HERC3: variants seen among roughly 807,000 people sequenced by gnomAD.
The protein encoded by HERC3 is probable E3 ubiquitin-protein ligase HERC3.
A neutral mutation model predicts 129.9 loss-of-function variants in HERC3; 58 were observed. The ratio of observed to expected loss-of-function variants is 0.45; its 90% CI spans 0.36 to 0.56. HERC3 has a LOEUF of 0.56. Among genes scored for constraint, HERC3 ranks in the 20% least tolerant of loss-of-function variants. The pLI is 0.00. For synonymous variants in HERC3, 430 were observed against 451.0 expected, an observed-to-expected ratio of 0.95 and a Z score of 0.59; for missense variants, 835 against 1,244.2, an observed-to-expected ratio of 0.67 and a Z score of 4.95.
chr4:88,686,161 A>T (rs2149324749), intron 21 of HERC3, among the ~76,000 whole-genome samples: 1 of 152,226 alleles, frequency 6.6e-6, no homozygotes, highest in African/African-American at 2.4e-5. Flanking sequence ...AAAAAAAATT[A>T]GTGTGAGTGT....
chr4:88,604,772 A>T (rs1446894470), intron 2 of HERC3, among the ~76,000 whole-genome samples: 1 of 152,186 alleles, frequency 6.6e-6, no homozygotes, highest in East Asian at 1.9e-4. Flanking sequence ...TCTTGGGTTT[A>T]TAACTAGTAG....
intron 11 of HERC3, 73 bp downstream of exon 11, chr4:88,662,628 G>A (rs537022385): frequency 6.1e-4 from 887 of 1,455,976 alleles, no homozygotes; most frequent in Non-Finnish European, 7.6e-4. Context: ...GTGATTTTCC[G>A]TACTTGCATA....
the HERC3 span, among the ~76,000 whole-genome samples, chr4:88,539,884 TA>T: frequency 1.1e-4 from 16 of 152,096 alleles, no homozygotes; most frequent in Admixed American, 9.8e-4. Flanking sequence ...CAGAAAGGAA[TA>T]GCATCAACAT....
In HERC3 at chr4:88,606,018, A is replaced by G; in HGVS notation, c.195A>G (p.Gln65=). The G allele has an allele frequency of 6.2e-7, 1 of 1,614,032 alleles. No individual in the cohort carries two copies. The highest frequency in any genetic ancestry group is 8.5e-7 in the Non-Finnish European group (1 of 1,179,908). The change falls in exon 3 of 26, where the codon CAA becomes CAG. Residue 65 remains glutamine, a synonymous_variant. Coordinates refer to ENST00000402738, the MANE Select transcript of HERC3 (RefSeq NM_014606.3). ...VYTCGLNTKG[Q]LGHEREGNKP... is the part of the protein sequence containing the mutation. ...CATGTGGTTTGAACACCAAGGGGCAACTGGGCCATGAGAGGGAAGGAAACA... is the reference window on the plus strand; with the variant it reads ...CATGTGGTTTGAACACCAAGGGGCAGCTGGGCCATGAGAGGGAAGGAAACA...
Position 88,643,135 on chromosome 4 carries a change from T to C in HERC3, c.227-6705T>C, listed in dbSNP as rs187478865. Among the ~76,000 whole-genome samples, 414 of 152,340 alleles carry C rather than the reference T, an allele frequency of 2.7e-3. 1 individual carries two copies. Among genetic ancestry groups the C allele is most frequent in the Admixed American group, 7.9e-3 (121 of 15,294 alleles). On this transcript the variant is annotated intron_variant, in intron 3 of 25. Transcript: ENST00000402738. ...AAACTGGAATAAAAAATACAATTTA[T>C]AATATTTCCAAACAAATAAAATACT...
At chr4:88,591,925 A>G (rs1460587184), upstream of HERC3, among the ~76,000 whole-genome samples, 1 of 151,434 alleles carries the variant, frequency 6.6e-6, no homozygotes, top group African/African-American at 2.4e-5. Flanking sequence ...CCACCTCTCC[A>G]GAAGAGCGCC....
At chr4:88,563,659 CT>C in the HERC3 span, among the ~76,000 whole-genome samples, 770 of 138,238 alleles carry the variant, frequency 5.6e-3, 1 homozygote, top group Middle Eastern at 7.5e-3. Flanking sequence ...ATGTTCCTTC[CT>C]TTTTTTTTTT....
At chr4:88,653,788 T>C (rs941302733) in intron 6 of HERC3, among the ~76,000 whole-genome samples, 1 of 152,096 alleles carries the variant, frequency 6.6e-6, no homozygotes, top group African/African-American at 2.4e-5. Flanking sequence ...AAAATGACTG[T>C]TTCTGAAATG....
chr4:88,613,441 GC>G (rs1458525406), intron 3 of HERC3, among the ~76,000 whole-genome samples: 1 of 152,174 alleles, frequency 6.6e-6, no homozygotes, highest in Non-Finnish European at 1.5e-5. Context: ...CAGCTTTCCT[GC>G]TGTTTGATAA....
chr4:88,692,573 T>C (rs1734182739), intron 23 of HERC3, among the ~76,000 whole-genome samples: 1 of 152,216 alleles, frequency 6.6e-6, no homozygotes, highest in Non-Finnish European at 1.5e-5. Context: ...GGATGCAGTC[T>C]TTAAGATCTG....
chr4:88,640,112 C>T (rs1211493011), intron 3 of HERC3, among the ~76,000 whole-genome samples: 4 of 152,134 alleles, frequency 2.6e-5, no homozygotes, highest in Non-Finnish European at 5.9e-5. Flanking sequence ...AATAGAAACG[C>T]TTTTACACTG....
the HERC3 span, among the ~76,000 whole-genome samples, chr4:88,545,362 CAT>C: frequency 6.6e-6 from 1 of 151,218 alleles, no homozygotes; most frequent in Non-Finnish European, 1.5e-5. Context: ...ATACACTCCT[CAT>C]GAGACTTTAC....
rs776830044 is a variant in HERC3 at position 88,677,975 on chromosome 4, T to C, written c.2037T>C (p.Asn679=). 3.5e-5 allele frequency: 57 copies of C among 1,612,200 alleles called. No homozygotes were observed. Among genetic ancestry groups the C allele is most frequent in the Non-Finnish European group, 4.7e-5 (55 of 1,179,982 alleles). ...CTGTGCCATTCCAGGTGGCAGTCAA[T>C]GGAGCCAACCTGCAGAATGTCTTCA... is the stretch of plus-strand genomic sequence containing the variant. ...DAELQMQVAV[N]GANLQNVFML... The change falls in exon 19 of 26, where the codon AAT becomes AAC. Residue 679 remains asparagine (N), a synonymous_variant. Coordinates refer to ENST00000402738, the MANE Select transcript of HERC3 (RefSeq NM_014606.3).
the HERC3 span, among the ~76,000 whole-genome samples, chr4:88,562,095 C>G: frequency 6.6e-6 from 1 of 152,128 alleles, no homozygotes; most frequent in Admixed American, 6.5e-5. Context: ...TGGCTGTACT[C>G]ATTTACCTTC....
At chr4:88,549,998 G>A in the HERC3 span, among the ~76,000 whole-genome samples, 26 of 152,160 alleles carry the variant, frequency 1.7e-4, no homozygotes, top group African/African-American at 2.4e-4. Context: ...TTGGGGAATC[G>A]AAACTTTAGC....
At position 88,651,464 on chromosome 4, in the gene HERC3, C is replaced by G. The variant is rs570960979; in HGVS notation, c.387-548C>G. On this transcript the variant is annotated intron_variant, in intron 4 of 25. Coordinates refer to ENST00000402738, the MANE Select transcript of HERC3 (RefSeq NM_014606.3). ...CCTTGGGCAGGTTAACTTTTCTAAGCCTCAGTTTCCTAACTTAAAAATTAC... is the reference window on the plus strand; with the variant it reads ...CCTTGGGCAGGTTAACTTTTCTAAGGCTCAGTTTCCTAACTTAAAAATTAC... Among the ~76,000 whole-genome samples, 10 of 152,274 alleles carry G rather than the reference C, an allele frequency of 6.6e-5. No homozygotes were observed. In the South Asian group the frequency reaches 1.5e-3, roughly 22 times the overall value.
chr4:88,629,044 G>A (rs902835134), intron 3 of HERC3, among the ~76,000 whole-genome samples: 1 of 152,198 alleles, frequency 6.6e-6, no homozygotes, highest in African/African-American at 2.4e-5. Flanking sequence ...GGTGGCATGT[G>A]CCAGTAATCC....
chr4:88,527,663 C>A, the HERC3 span: 1 of 293,096 alleles, frequency 3.4e-6, no homozygotes. Flanking sequence ...TCCCTCATGC[C>A]GGGCAATGTG....
In HERC3 at chr4:88,658,519, C is replaced by A. The variant is rs188826313; in HGVS notation, c.1146+28C>A. The A allele has an allele frequency of 2.1e-5, 26 of 1,247,596 alleles. No homozygotes were observed. The African/African-American group carries it at 3.7e-4, about 18-fold the overall frequency. 77.3% of individuals were successfully genotyped at this position (1,247,596 alleles called of 1,614,324 possible). On this transcript the variant is annotated intron_variant, in intron 10 of 25. Transcript: ENST00000402738. ...AAAATTTTTCTTGTGACTCTTATTT[C>A]CAGGAAGGAATAATAGTGAACCAAC...
Sources: allele counts gnomAD v4.1 joint callset (sites outside exome capture counted in the v4.1 genomes callset), GRCh38; gene constraint gnomAD v4.1.1; transcripts MANE v1.5; gene names NCBI Gene and HGNC (gene_info 2026-07-23, HGNC 2026-07-21).